The following MMP16 variants were observed in gnomAD, a reference collection of about 807,000 sequenced individuals.
MMP16 encodes matrix metalloproteinase-16.
MMP16 carries 12 observed loss-of-function variants against 67.8 expected under a neutral mutation model. The ratio of observed to expected loss-of-function variants is 0.18; its 90% CI spans 0.11 to 0.29. The LOEUF (loss-of-function observed/expected upper bound fraction) is 0.29, where lower values mean the gene tolerates loss of function less well. Among genes scored for constraint, MMP16 ranks in the 10% least tolerant of loss-of-function variants. MMP16 has a pLI of 1.00. For missense variants in MMP16, 475 were observed against 765.7 expected (o/e 0.62, Z 4.48); for synonymous variants, 249 against 255.9 (o/e 0.97, Z 0.26).
chr8:88,085,925 A>G (rs1808826484), intron 6 of MMP16, among the ~76,000 whole-genome samples: 1 of 150,052 alleles, frequency 6.7e-6, no homozygotes, highest in South Asian at 2.1e-4. Flanking sequence ...CTTTTTATTA[A>G]TTAGTATTCA....
At chr8:88,210,698 T>C (rs1255851787) in intron 1 of MMP16, among the ~76,000 whole-genome samples, 1 of 152,140 alleles carries the variant, frequency 6.6e-6, no homozygotes, top group African/African-American at 2.4e-5. Flanking sequence ...TAGGTGGTAA[T>C]AGTGATAATT....
rs1204223768 is a variant in MMP16, at chr8:88,039,994, C to CAAT, written c.*1464_*1466dup. The CAAT allele has an allele frequency of 6.6e-6, 1 of 152,576 alleles. No homozygotes were observed. Among genetic ancestry groups the CAAT allele is most frequent in the African/African-American group, 2.4e-5 (1 of 41,438 alleles). 9.5% of individuals were successfully genotyped at this position (152,576 alleles called of 1,614,324 possible). On this transcript the variant is annotated 3_prime_UTR_variant, in exon 10 of 10. Coordinates refer to ENST00000286614, the MANE Select transcript of MMP16 (RefSeq NM_005941.5). The surrounding 1 kb of genome is among the most constrained non-coding windows in gnomAD (Gnocchi z 4.5). The stretch of plus-strand genomic sequence containing the variant: ...CCCTTTGAGAACTATGGTGGACATG[C>CAAT]AATAGGTAATGCACTGGAGGATATT...
At chr8:88,142,782 C>A (rs1374120662) in intron 4 of MMP16, among the ~76,000 whole-genome samples, 1 of 151,826 alleles carries the variant, frequency 6.6e-6, no homozygotes, top group African/African-American at 2.4e-5. Flanking sequence ...TGATTGTATC[C>A]TTTTCAACTA....
At chr8:88,122,294 T>C (rs999686540) in intron 4 of MMP16, among the ~76,000 whole-genome samples, 10 of 152,020 alleles carry the variant, frequency 6.6e-5, no homozygotes, top group Non-Finnish European at 1.5e-4. Context: ...ATCTTGCCTC[T>C]GTCAATTGTG....
Position 88,141,953 on chromosome 8 carries a change from C to T in MMP16, c.710-23092G>A, listed in dbSNP as rs189667077. 4.0e-5 allele frequency among the ~76,000 whole-genome samples: 6 copies of T among 150,636 alleles called. No individual in the cohort carries two copies. The East Asian group carries it at 1.2e-3, about 30-fold the overall frequency. On this transcript the variant is annotated intron_variant, in intron 4 of 9. Coordinates refer to ENST00000286614, the MANE Select transcript of MMP16 (RefSeq NM_005941.5). ...TTTTTGAGACAGAGTCTCGCTCTGT[C>T]GCCAAGGTTAGAGTGCAGTGGCACC...
At chr8:88,188,293 T>TA (rs1809105215) in intron 2 of MMP16, among the ~76,000 whole-genome samples, 1 of 152,190 alleles carries the variant, frequency 6.6e-6, no homozygotes, top group Non-Finnish European at 1.5e-5. Context: ...CAAAAAATTA[T>TA]AATATTCCTA....
intron 9 of MMP16, among the ~76,000 whole-genome samples, chr8:88,042,430 C>T (rs1031757368): frequency 2.0e-5 from 3 of 152,112 alleles, no homozygotes; most frequent in East Asian, 1.9e-4. Context: ...CAAGTAAAGA[C>T]GTATTCATAG....
chr8:88,263,258 A>C (rs1810419091), intron 1 of MMP16, among the ~76,000 whole-genome samples: 1 of 152,088 alleles, frequency 6.6e-6, no homozygotes, highest in African/African-American at 2.4e-5. Context: ...AAAAAAATTC[A>C]ATTTTTTCTT....
chr8:88,037,871 G>A lies in MMP16; in HGVS notation c.*3590C>T, dbSNP rs1212828601. The A allele has an allele frequency of 6.6e-6, 1 of 151,912 alleles. No homozygotes were observed. The highest frequency in any genetic ancestry group is 2.4e-5 in the African/African-American group (1 of 41,404). 9.4% of individuals were successfully genotyped at this position (151,912 alleles called of 1,614,324 possible). A position where few individuals can be genotyped will look rare whatever the true frequency, so the allele number is the denominator to read the frequency against. On this transcript the variant is annotated 3_prime_UTR_variant, in exon 10 of 10. Coordinates refer to ENST00000286614, the MANE Select transcript of MMP16 (RefSeq NM_005941.5). ...TAAAGTAATGAGAAATGAAGCAGAAGGAGAATTATTTTTGCAGGCATGAAT... is the reference window on the plus strand; with the variant it reads ...TAAAGTAATGAGAAATGAAGCAGAAAGAGAATTATTTTTGCAGGCATGAAT...
At position 88,064,912 on chromosome 8, in the gene MMP16, G is replaced by A. The variant is rs1320589594; in HGVS notation, c.1223-8634C>T. On this transcript the variant is annotated intron_variant, in intron 7 of 9. Coordinates refer to ENST00000286614, the MANE Select transcript of MMP16 (RefSeq NM_005941.5). ...GCAAGTGTGGTTGCCGCTGAGGTGTGCAGCTCAGGACTTCCTTAGAGAAAG... is the reference window on the plus strand; with the variant it reads ...GCAAGTGTGGTTGCCGCTGAGGTGTACAGCTCAGGACTTCCTTAGAGAAAG... Among the ~76,000 whole-genome samples, 5 of 152,214 alleles carry A rather than the reference G, an allele frequency of 3.3e-5. No homozygotes were observed. In the South Asian group the frequency reaches 1.0e-3, roughly 32 times the overall value.
At chr8:88,240,758 A>G (rs1438884004) in intron 1 of MMP16, among the ~76,000 whole-genome samples, 1 of 152,132 alleles carries the variant, frequency 6.6e-6, no homozygotes. Flanking sequence ...ATATCCTCTT[A>G]TCATTAGTTC....
intron 4 of MMP16, among the ~76,000 whole-genome samples, chr8:88,125,819 G>A (rs1436888673): frequency 1.3e-5 from 2 of 151,824 alleles, no homozygotes; most frequent in Non-Finnish European, 2.9e-5. Flanking sequence ...ATTTTTGTGT[G>A]ATTTATCTGT....
chr8:88,036,142 T>C lies in MMP16; in HGVS notation c.*5319A>G, dbSNP rs1808050734. The C allele has an allele frequency of 6.6e-6, 1 of 151,926 alleles. No individual in the cohort carries two copies. Among genetic ancestry groups the C allele is most frequent in the South Asian group, 2.1e-4 (1 of 4,830 alleles). The allele number at this position is 151,926 out of a possible 1,614,324, so 9.4% of individuals were successfully genotyped here. A position where few individuals can be genotyped will look rare whatever the true frequency, so the allele number is the denominator to read the frequency against. ...ATATATCTTTCCAACTTGAGGTTAC[T>C]GAACACCTACCTCTTACATTTTTAG... On this transcript the variant is annotated 3_prime_UTR_variant, in exon 10 of 10. Transcript: ENST00000286614.
intron 1 of MMP16, among the ~76,000 whole-genome samples, chr8:88,310,152 T>A (rs1049433198): frequency 6.6e-6 from 1 of 152,124 alleles, no homozygotes; most frequent in African/African-American, 2.4e-5. Flanking sequence ...CTTTGATATT[T>A]TCCCTAAGGT....
At chr8:88,316,936 T>C (rs546438142) in intron 1 of MMP16, among the ~76,000 whole-genome samples, 1 of 152,236 alleles carries the variant, frequency 6.6e-6, no homozygotes, top group South Asian at 2.1e-4. Flanking sequence ...CCAATCCCTG[T>C]CGATGACTCT....
At position 88,097,787 on chromosome 8, in the gene MMP16, T is replaced by C. The variant is rs191238370; in HGVS notation, c.1083+18720A>G. On this transcript the variant is annotated intron_variant, in intron 6 of 9. Transcript: ENST00000286614. ...GAATTACAATTCAGTTTGTTAAAGATTGAAGGAGGCCTTAATAGTTATACT... is the reference window on the plus strand; with the variant it reads ...GAATTACAATTCAGTTTGTTAAAGACTGAAGGAGGCCTTAATAGTTATACT... Among the ~76,000 whole-genome samples, 449 of 151,966 alleles carry C rather than the reference T, an allele frequency of 3.0e-3. 2 individuals carry two copies. The highest frequency in any genetic ancestry group is 0.01 in the African/African-American group (432 of 41,496).
At chr8:88,266,820 A>T (rs761699078) in intron 1 of MMP16, among the ~76,000 whole-genome samples, 37 of 152,330 alleles carry the variant, frequency 2.4e-4, no homozygotes, top group Admixed American at 6.5e-4. Flanking sequence ...ACCAAATTTT[A>T]TCTTTGGATT....
intron 6 of MMP16, among the ~76,000 whole-genome samples, chr8:88,082,051 G>T (rs552632407): frequency 6.6e-6 from 1 of 152,128 alleles, no homozygotes; most frequent in Non-Finnish European, 1.5e-5. Flanking sequence ...CTCACAAATG[G>T]TCAATTAATC....
chr8:88,106,590 A>C (rs576152816), intron 6 of MMP16, among the ~76,000 whole-genome samples: 37 of 151,378 alleles, frequency 2.4e-4, no homozygotes, highest in Non-Finnish European at 4.9e-4. Context: ...ACATTAACAG[A>C]ATGACAGTGC....
Sources: gnomAD v4.1 joint callset for allele counts (sites outside exome capture counted in the v4.1 genomes callset) on GRCh38, gnomAD v4.1.1 for gene constraint, Gnocchi (gnomAD v3.1) non-coding constraint, MANE v1.5 for transcripts, NCBI Gene and HGNC (gene_info 2026-07-23, HGNC 2026-07-21) for gene names.